KIAA0319: variants seen among roughly 807,000 people sequenced by gnomAD.
The protein encoded by KIAA0319 is dyslexia-associated protein KIAA0319.
A neutral mutation model predicts 108.4 loss-of-function variants in KIAA0319; 83 were observed. The observed-to-expected ratio is 0.77, with a 90% CI of 0.64 to 0.92. KIAA0319 has a LOEUF of 0.92. Among genes scored for constraint, KIAA0319 ranks in the 40% least tolerant of loss-of-function variants. The pLI, the probability that KIAA0319 is intolerant of heterozygous loss-of-function variation, is 0.00. For missense variants in KIAA0319, 1,195 were observed against 1,322.4 expected, an observed-to-expected ratio of 0.90 and a Z score of 1.49; for synonymous variants, 484 against 510.4, an observed-to-expected ratio of 0.95 and a Z score of 0.70.
At chr6:24,624,019 T>TTTC (rs61079813) in intron 1 of KIAA0319, among the ~76,000 whole-genome samples, 51,509 of 106,780 alleles carry the variant, frequency 0.48, 14,863 homozygotes, top group East Asian at 0.7. Context: ...TTTGTTTTCT[T>TTTC]TTTTTTTTTT....
At chr6:24,629,938 A>G (rs1244625363) in intron 1 of KIAA0319, among the ~76,000 whole-genome samples, 1 of 152,118 alleles carries the variant, frequency 6.6e-6, no homozygotes, top group African/African-American at 2.4e-5. Flanking sequence ...TGTAATCTCA[A>G]TACTTTAGGA....
intron 1 of KIAA0319, among the ~76,000 whole-genome samples, chr6:24,607,895 T>C (rs1771657174): frequency 6.6e-6 from 1 of 152,196 alleles, no homozygotes. Context: ...CAAATAACTT[T>C]GCAGTCCCCA....
chr6:24,600,976 T>C, intron 2 of KIAA0319, 73 bp downstream of exon 2: 2 of 1,588,938 alleles, frequency 1.3e-6, no homozygotes, highest in East Asian at 2.2e-5. Flanking sequence ...TCACCTCAGG[T>C]TGATCTGAGT....
At chr6:24,558,939 C>T in intron 17 of KIAA0319, 74 bp downstream of exon 17, 1 of 1,385,024 alleles carries the variant, frequency 7.2e-7, no homozygotes. Flanking sequence ...ACATGTCACT[C>T]CTCTTCTATG....
chr6:24,559,367 C>T (rs1762778050), intron 16 of KIAA0319, among the ~76,000 whole-genome samples: 1 of 152,204 alleles, frequency 6.6e-6, no homozygotes, highest in Non-Finnish European at 1.5e-5. Flanking sequence ...CAAAGACAGA[C>T]AGATCTTCAG....
chr6:24,566,860 A>G, intron 13 of KIAA0319, 112 bp from the exon 14 acceptor site: 1 of 1,005,658 alleles, frequency 9.9e-7, no homozygotes. Flanking sequence ...TACAGTATGT[A>G]GAATTAAAAT....
chr6:24,620,787 C>T (rs1407123929), intron 1 of KIAA0319, among the ~76,000 whole-genome samples: 1 of 152,176 alleles, frequency 6.6e-6, no homozygotes, highest in Non-Finnish European at 1.5e-5. Context: ...AAAGGCCCCA[C>T]CCTTATGACC....
intron 17 of KIAA0319, 71 bp from the exon 18 acceptor site, chr6:24,556,800 T>G: frequency 6.6e-7 from 1 of 1,524,268 alleles, no homozygotes; most frequent in South Asian, 1.3e-5. Context: ...TTCTTTTGTA[T>G]CTTCAGTAGC....
Position 24,572,699 on chromosome 6 carries a change from CTAAG to C in KIAA0319, c.1735-5_1735-2del, listed in dbSNP as rs1561963842. ...AATGAAGGTATGGCGTCTGTACTCC[CTAAG>C]TAATAGCAAATACAAAAATAAAAAC... On this transcript the variant is annotated splice_acceptor_variant and splice_polypyrimidine_tract_variant and intron_variant, in intron 10 of 20. Transcript: ENST00000378214. LOFTEE classifies it high-confidence loss of function. 4 of 1,599,562 alleles carry C rather than the reference CTAAG, an allele frequency of 2.5e-6. No homozygotes were observed. Among genetic ancestry groups the C allele is most frequent in the Non-Finnish European group, 3.4e-6 (4 of 1,175,918 alleles).
chr6:24,633,677 T>C (rs1180402144), intron 1 of KIAA0319, among the ~76,000 whole-genome samples: 1 of 152,004 alleles, frequency 6.6e-6, no homozygotes, highest in Non-Finnish European at 1.5e-5. Context: ...TTTGAAAACA[T>C]AAACCAGCAA....
At chr6:24,562,904 T>C (rs1763297489) in intron 16 of KIAA0319, among the ~76,000 whole-genome samples, 3 of 152,072 alleles carry the variant, frequency 2.0e-5, no homozygotes, top group African/African-American at 7.2e-5. Context: ...AATACAAAGA[T>C]GTCATGAAAA....
At chr6:24,625,642 A>G (rs749078447) in intron 1 of KIAA0319, among the ~76,000 whole-genome samples, 5 of 152,216 alleles carry the variant, frequency 3.3e-5, no homozygotes, top group Non-Finnish European at 7.3e-5. Context: ...AACTATGTCT[A>G]TTCACAGATA....
At chr6:24,540,341 A>T (rs764998698), downstream of KIAA0319, among the ~76,000 whole-genome samples, 2 of 152,204 alleles carry the variant, frequency 1.3e-5, no homozygotes, top group Non-Finnish European at 2.9e-5. Flanking sequence ...GGACTTTATG[A>T]TGGCTACGAC....
chr6:24,625,238 T>C (rs1304851651), intron 1 of KIAA0319, among the ~76,000 whole-genome samples: 1 of 152,170 alleles, frequency 6.6e-6, no homozygotes. Flanking sequence ...CCATATACAG[T>C]ATAAATTTAC....
intron 1 of KIAA0319, among the ~76,000 whole-genome samples, chr6:24,645,002 GTCT>G (rs1777434274): frequency 1.3e-5 from 2 of 152,244 alleles, no homozygotes; most frequent in East Asian, 1.9e-4. Flanking sequence ...TACAATTGTG[GTCT>G]TCTTATAATA....
At chr6:24,553,024 T>C (rs1561911991) in intron 19 of KIAA0319, among the ~76,000 whole-genome samples, 1 of 152,060 alleles carries the variant, frequency 6.6e-6, no homozygotes, top group Non-Finnish European at 1.5e-5. Context: ...TCTGGAAGAT[T>C]TGGCCAGTGA....
chr6:24,580,607 G>A (rs556653129), intron 7 of KIAA0319, among the ~76,000 whole-genome samples: 10 of 152,270 alleles, frequency 6.6e-5, no homozygotes, highest in Non-Finnish European at 7.3e-5. Context: ...CCCCTGCTTC[G>A]AAGGTGAAGC....
In KIAA0319 at chr6:24,599,357, T is replaced by A; in HGVS notation, c.55+1692A>T. 1 of 523,674 alleles carries A rather than the reference T, an allele frequency of 1.9e-6. No homozygotes were observed. 32.4% of individuals were successfully genotyped at this position (523,674 alleles called of 1,614,324 possible). A position where few individuals can be genotyped will look rare whatever the true frequency, so the allele number is the denominator to read the frequency against. On this transcript the variant is annotated intron_variant, in intron 2 of 20. Coordinates refer to ENST00000378214, the MANE Select transcript of KIAA0319 (RefSeq NM_014809.4). This position sits in a 1 kb window ranked among gnomAD's most constrained non-coding sequence, Gnocchi z 4.1. ...AGAGGGCTTCCCTAGAGGCCACCATTGTGGATGCGGAGAAGCGTGGGGAGC... is the reference window on the plus strand; with the variant it reads ...AGAGGGCTTCCCTAGAGGCCACCATAGTGGATGCGGAGAAGCGTGGGGAGC...
intron 1 of KIAA0319, among the ~76,000 whole-genome samples, chr6:24,606,612 G>T (rs977315387): frequency 1.3e-5 from 2 of 152,084 alleles, no homozygotes; most frequent in Admixed American, 6.6e-5. Context: ...GGTGACTGTG[G>T]CAAAGATTGC....
Sources: gnomAD v4.1 joint callset for allele counts (sites outside exome capture counted in the v4.1 genomes callset) on GRCh38, gnomAD v4.1.1 for gene constraint, Gnocchi (gnomAD v3.1) non-coding constraint, MANE v1.5 for transcripts, NCBI Gene and HGNC (gene_info 2026-07-23, HGNC 2026-07-21) for gene names.